The following GRIP1 variants were observed in gnomAD, a reference collection of about 807,000 sequenced individuals.
GRIP1 encodes the protein glutamate receptor-interacting protein 1.
GRIP1 carries 45 observed loss-of-function variants against 129.9 expected under a neutral mutation model. That is an observed-to-expected ratio of 0.35 (90% CI 0.27 to 0.44). The LOEUF (loss-of-function observed/expected upper bound fraction) is 0.44. Among genes scored for constraint, GRIP1 ranks in the 20% least tolerant of loss-of-function variants. GRIP1 has a pLI of 1.00. For missense variants in GRIP1, 1,196 were observed against 1,396.8 expected, an observed-to-expected ratio of 0.86 and a Z score of 2.29; for synonymous variants, 530 against 520.8, an observed-to-expected ratio of 1.02 and a Z score of -0.24.
chr12:66,860,902 T>C (rs11176460), intron 1 of GRIP1, among the ~76,000 whole-genome samples: 12,829 of 152,076 alleles, frequency 0.084, 587 homozygotes, highest in Admixed American at 0.11. Context: ...ATATTCCACA[T>C]TGTGGCAACA....
chr12:67,065,574 T>C (rs1301528515), intron 1 of GRIP1, among the ~76,000 whole-genome samples: 1 of 152,218 alleles, frequency 6.6e-6, no homozygotes, highest in African/African-American at 2.4e-5. Context: ...AAAATACAAA[T>C]TAATATTTTT....
chr12:66,669,265 G>A (rs556771941), intron 1 of GRIP1, among the ~76,000 whole-genome samples: 13 of 152,196 alleles, frequency 8.5e-5, no homozygotes, highest in Non-Finnish European at 1.6e-4. Context: ...ATGGGTGCCT[G>A]TAATCCCAGC....
At position 66,700,490 on chromosome 12, in the gene GRIP1, G is replaced by A. The variant is rs570363929; in HGVS notation, c.-419-70154C>T. The stretch of plus-strand genomic sequence containing the variant: ...TTCACCACATTGCCCAGGCTGGAGT[G>A]CAGTGGCTAGTCACAGGCATCATCA... On this transcript the variant is annotated intron_variant, in intron 1 of 4. Transcript: ENST00000538373. Among the ~76,000 whole-genome samples, 11 of 151,480 alleles carry A rather than the reference G, an allele frequency of 7.3e-5. No homozygotes were observed. The South Asian group carries it at 1.3e-3, about 17-fold the overall frequency.
intron 1 of GRIP1, among the ~76,000 whole-genome samples, chr12:66,811,106 T>C (rs2039093748): frequency 6.6e-6 from 1 of 152,360 alleles, no homozygotes; most frequent in South Asian, 2.1e-4. Flanking sequence ...CAAAATGAAA[T>C]GTCAGGCAGT....
chr12:66,776,303 C>T (rs562643278), intron 1 of GRIP1, among the ~76,000 whole-genome samples: 10 of 152,236 alleles, frequency 6.6e-5, no homozygotes, highest in African/African-American at 2.4e-4. Flanking sequence ...GAAATGCTTA[C>T]TTTAGGGATT....
intron 1 of GRIP1, among the ~76,000 whole-genome samples, chr12:66,617,024 G>A (rs2065066866): frequency 6.6e-6 from 1 of 151,460 alleles, no homozygotes; most frequent in Non-Finnish European, 1.5e-5. Flanking sequence ...AGGCACAGGA[G>A]AAAGGAAACA....
intron 7 of GRIP1, among the ~76,000 whole-genome samples, chr12:66,515,307 A>AT (rs1407590486): frequency 6.6e-6 from 1 of 152,088 alleles, no homozygotes; most frequent in Non-Finnish European, 1.5e-5. Context: ...TAATAATACT[A>AT]TTTTTGTGAT....
At chr12:66,999,706 C>T (rs184789341) in intron 1 of GRIP1, among the ~76,000 whole-genome samples, 9 of 151,964 alleles carry the variant, frequency 5.9e-5, no homozygotes, top group Admixed American at 2.6e-4. Context: ...CAAGGAGAAG[C>T]CTAAAAATGC....
intron 1 of GRIP1, among the ~76,000 whole-genome samples, chr12:66,666,493 TAATAC>T (rs2033804057): frequency 6.6e-6 from 1 of 151,508 alleles, no homozygotes; most frequent in Admixed American, 6.6e-5. Context: ...ATCATTAATT[TAATAC>T]ATTATTAAAA....
chr12:66,506,679 C>T (rs950090960), intron 7 of GRIP1, among the ~76,000 whole-genome samples: 3 of 152,060 alleles, frequency 2.0e-5, no homozygotes, highest in Admixed American at 2.0e-4. Flanking sequence ...TACTATAATA[C>T]AAAAGTAAAT....
intron 15 of GRIP1, among the ~76,000 whole-genome samples, chr12:66,410,591 C>T (rs375053587): frequency 2.6e-5 from 4 of 151,876 alleles, no homozygotes; most frequent in South Asian, 2.1e-4. Context: ...TACAGTGGGC[C>T]GAGATTGCAC....
chr12:66,825,212 G>A (rs1041568304), intron 1 of GRIP1, among the ~76,000 whole-genome samples: 1 of 152,076 alleles, frequency 6.6e-6, no homozygotes, highest in African/African-American at 2.4e-5. Flanking sequence ...ACAATTCATA[G>A]GGTCAAATTT....
chr12:66,672,119 G>A, intron 1 of GRIP1, among the ~76,000 whole-genome samples: 1 of 152,238 alleles, frequency 6.6e-6, no homozygotes, highest in East Asian at 1.9e-4. Context: ...ATAATAATTT[G>A]TAAATCAATT....
intron 1 of GRIP1, among the ~76,000 whole-genome samples, chr12:66,733,082 G>A (rs1201343070): frequency 6.6e-6 from 1 of 152,028 alleles, no homozygotes; most frequent in Non-Finnish European, 1.5e-5. Flanking sequence ...TCAAACTCCT[G>A]GGCTCAAGTG....
intron 1 of GRIP1, among the ~76,000 whole-genome samples, chr12:66,615,500 T>C (rs1322113121): frequency 6.6e-6 from 1 of 152,130 alleles, no homozygotes; most frequent in Non-Finnish European, 1.5e-5. Flanking sequence ...TCACTGATTA[T>C]ACAGTACAAA....
At chr12:66,918,272 T>C (rs2041159496) in intron 1 of GRIP1, among the ~76,000 whole-genome samples, 1 of 151,940 alleles carries the variant, frequency 6.6e-6, no homozygotes, top group Admixed American at 6.6e-5. Flanking sequence ...ATGTTCTAGT[T>C]TGAAGGCAGT....
intron 1 of GRIP1, among the ~76,000 whole-genome samples, chr12:66,684,937 T>C (rs548116385): frequency 7.2e-5 from 11 of 152,314 alleles, no homozygotes; most frequent in South Asian, 4.1e-4. Context: ...GCAGCCTTCA[T>C]GACCATCTCC....
At chr12:67,011,699 T>A (rs547915582) in intron 1 of GRIP1, among the ~76,000 whole-genome samples, 1 of 152,284 alleles carries the variant, frequency 6.6e-6, no homozygotes, top group Non-Finnish European at 1.5e-5. Context: ...GAGGTTCTCC[T>A]TCTTATTCTT....
chr12:66,991,086 C>G (rs935896413), intron 1 of GRIP1, among the ~76,000 whole-genome samples: 1 of 151,690 alleles, frequency 6.6e-6, no homozygotes, highest in Non-Finnish European at 1.5e-5. Context: ...TCCTGGCTAA[C>G]AGGGTGAAAT....
Sources: allele counts gnomAD v4.1 joint callset (sites outside exome capture counted in the v4.1 genomes callset), GRCh38; gene constraint gnomAD v4.1.1; transcripts MANE v1.5; gene names NCBI Gene and HGNC (gene_info 2026-07-23, HGNC 2026-07-21).